Variants in ATP6V1H observed in about 807,000 individuals in gnomAD.
The protein encoded by ATP6V1H is ATPase H+ transporting V1 subunit H, also known as V-type proton ATPase subunit H.
Under a neutral mutation model 71.7 loss-of-function variants are expected in ATP6V1H, and 39 were observed. The observed-to-expected ratio is 0.54, with a 90% CI of 0.42 to 0.71. The LOEUF (loss-of-function observed/expected upper bound fraction) is 0.71. Among genes scored for constraint, ATP6V1H ranks in the 30% least tolerant of loss-of-function variants. The probability of loss-of-function intolerance (pLI) is 0.00; values close to 1 mark genes in which losing one functional copy is unlikely to be tolerated. For missense variants in ATP6V1H, 509 were observed against 594.9 expected (o/e 0.86, Z 1.50); for synonymous variants, 192 against 199.3 (o/e 0.96, Z 0.31).
intron 6 of ATP6V1H, 54 bp downstream of exon 6, chr8:53,814,608 A>G (rs1563478960): frequency 1.9e-5 from 19 of 986,022 alleles, no homozygotes; most frequent in Non-Finnish European, 1.6e-6. Context: ...AATAGCTTAA[A>G]AGAACACGGA....
chr8:53,839,437 G>C (rs1811274941), intron 2 of ATP6V1H, among the ~76,000 whole-genome samples: 2 of 152,226 alleles, frequency 1.3e-5, no homozygotes, highest in Non-Finnish European at 2.9e-5. Flanking sequence ...CTGTCCTTCA[G>C]TCAGTGGCCC....
At chr8:53,831,688 A>C (rs1239265254) in intron 3 of ATP6V1H, 1 of 151,974 alleles carries the variant, frequency 6.6e-6, no homozygotes, top group Non-Finnish European at 1.5e-5. Flanking sequence ...CTATCAAGAC[A>C]GCATTTTCAT....
chr8:53,831,085 A>C (rs150931241), intron 3 of ATP6V1H, among the ~76,000 whole-genome samples: 337 of 152,360 alleles, frequency 2.2e-3, no homozygotes, highest in African/African-American at 7.6e-3. Context: ...CTTAAAACAT[A>C]AAGGAAACTG....
intron 1 of ATP6V1H, 101 bp from the exon 2 acceptor site, chr8:53,841,826 C>G: frequency 9.2e-7 from 1 of 1,083,254 alleles, no homozygotes; most frequent in Non-Finnish European, 1.3e-6. Flanking sequence ...TTAATCTCCC[C>G]AGGCATTCAA....
rs1347731066 is a variant in ATP6V1H at position 53,811,222 on chromosome 8, T to C, written c.526-5A>G. 6.2e-7 allele frequency: 1 copy of C among 1,612,468 alleles called. No homozygotes were observed. The highest frequency in any genetic ancestry group is 8.5e-7 in the Non-Finnish European group (1 of 1,178,730). On this transcript the variant is annotated splice_polypyrimidine_tract_variant and splice_region_variant and intron_variant, in intron 6 of 13. Coordinates refer to ENST00000359530, the MANE Select transcript of ATP6V1H (RefSeq NM_015941.4). ...AACACCGCTACCACGCAGTTTCTAT[T>C]ACGAAATAAATAACTCATTATTTAG...
At chr8:53,736,087 A>G (rs967278512) in intron 13 of ATP6V1H, among the ~76,000 whole-genome samples, 3 of 152,242 alleles carry the variant, frequency 2.0e-5, no homozygotes, top group Non-Finnish European at 4.4e-5. Context: ...TTTTAGGCCT[A>G]GTAGTATTCT....
intron 2 of ATP6V1H, among the ~76,000 whole-genome samples, chr8:53,837,577 A>G (rs935447525): frequency 2.6e-5 from 4 of 152,130 alleles, no homozygotes; most frequent in African/African-American, 9.7e-5. Flanking sequence ...AAGAGGCCAA[A>G]GAATCTAAGG....
chr8:53,792,343 T>C (rs1400290496), intron 9 of ATP6V1H, among the ~76,000 whole-genome samples: 3 of 152,208 alleles, frequency 2.0e-5, no homozygotes, highest in East Asian at 1.9e-4. Context: ...ACCTGGTCAA[T>C]AGCTGGTCGG....
Position 53,743,606 on chromosome 8 carries a change from C to T in ATP6V1H, c.1362G>A (p.Leu454=). Residue 454 remains leucine (L), a synonymous_variant, in exon 13 of 14, where the codon CTG becomes CTA. Coordinates refer to ENST00000359530, the MANE Select transcript of ATP6V1H (RefSeq NM_015941.4). ...EDQQVRYNAL[L]AVQKLMVHNW... ...TGTGCACCATGAGCTTCTGCACGGC[C>T]AGCAGAGCATTATAGCGGACCTGCT... 1 of 1,613,940 alleles carries T rather than the reference C, an allele frequency of 6.2e-7. No homozygotes were observed. Among genetic ancestry groups the T allele is most frequent in the South Asian group, 1.1e-5 (1 of 91,056 alleles).
chr8:53,802,460 T>C (rs1461395774), intron 7 of ATP6V1H, among the ~76,000 whole-genome samples: 8 of 152,256 alleles, frequency 5.3e-5, no homozygotes, highest in Non-Finnish European at 1.2e-4. Flanking sequence ...GGTTCATGCC[T>C]GTAATCCTAC....
At chr8:53,720,054 G>A (rs1197787424) in intron 13 of ATP6V1H, among the ~76,000 whole-genome samples, 1 of 151,866 alleles carries the variant, frequency 6.6e-6, no homozygotes, top group Non-Finnish European at 1.5e-5. Flanking sequence ...AATTAATCTG[G>A]GTATTGAGTC....
chr8:53,757,082 C>T (rs1808093155), intron 11 of ATP6V1H, among the ~76,000 whole-genome samples: 1 of 152,142 alleles, frequency 6.6e-6, no homozygotes, highest in South Asian at 2.1e-4. Context: ...ACACGTCTTC[C>T]CCTCTCTCTT....
intron 13 of ATP6V1H, among the ~76,000 whole-genome samples, chr8:53,721,253 C>G (rs573913610): frequency 6.6e-6 from 1 of 151,970 alleles, no homozygotes; most frequent in African/African-American, 2.4e-5. Context: ...GAACTCAAAG[C>G]AAACTTTGTT....
chr8:53,735,243 A>G (rs1192022098), intron 13 of ATP6V1H, among the ~76,000 whole-genome samples: 1 of 152,200 alleles, frequency 6.6e-6, no homozygotes, highest in Non-Finnish European at 1.5e-5. Flanking sequence ...AGGCTTATCC[A>G]ATACAAACTG....
intron 12 of ATP6V1H, among the ~76,000 whole-genome samples, chr8:53,750,640 C>T (rs185444501): frequency 6.6e-6 from 1 of 151,978 alleles, no homozygotes; most frequent in Non-Finnish European, 1.5e-5. Flanking sequence ...ATGTTGTCAA[C>T]CGACAAAGGT....
intron 13 of ATP6V1H, among the ~76,000 whole-genome samples, chr8:53,734,568 A>G (rs1807131391): frequency 6.6e-6 from 1 of 152,232 alleles, no homozygotes; most frequent in Admixed American, 6.5e-5. Flanking sequence ...TACATGGGGC[A>G]TTATACAAGG....
chr8:53,732,986 G>A (rs1807076011), intron 13 of ATP6V1H, among the ~76,000 whole-genome samples: 1 of 152,210 alleles, frequency 6.6e-6, no homozygotes, highest in Non-Finnish European at 1.5e-5. Flanking sequence ...GCCCCTGACG[G>A]AGCAGTGATA....
At chr8:53,802,028 T>G in intron 7 of ATP6V1H, 132 bp from the exon 8 acceptor site, 1 of 693,286 alleles carries the variant, frequency 1.4e-6, no homozygotes, top group Non-Finnish European at 2.4e-6. Context: ...CCCTAATCTC[T>G]TTTCAAAAGT....
chr8:53,835,360 C>G (rs1462995705), intron 2 of ATP6V1H, among the ~76,000 whole-genome samples: 4 of 152,156 alleles, frequency 2.6e-5, no homozygotes, highest in Non-Finnish European at 5.9e-5. Context: ...GACAGCTTTC[C>G]CTGAGCCCAC....
Sources: allele counts gnomAD v4.1 joint callset (sites outside exome capture counted in the v4.1 genomes callset), GRCh38; gene constraint gnomAD v4.1.1; transcripts MANE v1.5; gene names NCBI Gene and HGNC (gene_info 2026-07-23, HGNC 2026-07-21).